IFT74: variants seen among roughly 807,000 people sequenced by gnomAD.
IFT74 encodes the protein intraflagellar transport protein 74 homolog.
In IFT74, 92 loss-of-function variants were observed where a neutral mutation model predicts 96.7. The observed-to-expected ratio is 0.95, with a 90% CI of 0.80 to 1.13. The LOEUF (loss-of-function observed/expected upper bound fraction) is 1.13, where lower values mean the gene tolerates loss of function less well. Among genes scored for constraint, IFT74 ranks in the 50% most tolerant of loss-of-function variants. The pLI is 0.00. For missense variants in IFT74, 811 were observed against 698.2 expected (o/e 1.16, Z -1.82); for synonymous variants, 223 against 213.2 (o/e 1.05, Z -0.40).
intron 13 of IFT74, among the ~76,000 whole-genome samples, chr9:27,034,879 C>G (rs1276764163): frequency 6.6e-6 from 1 of 152,202 alleles, no homozygotes; most frequent in Non-Finnish European, 1.5e-5. Flanking sequence ...TGCCTGGATT[C>G]AAATCCAGGC....
intron 12 of IFT74, among the ~76,000 whole-genome samples, chr9:27,025,801 C>T (rs530736007): frequency 6.6e-6 from 1 of 152,238 alleles, no homozygotes; most frequent in Admixed American, 6.5e-5. Context: ...TTCACCACTA[C>T]CAAGGCAGCA....
chr9:27,060,989 AAAGC>A, intron 19 of IFT74: 1 of 249,054 alleles, frequency 4.0e-6, no homozygotes, highest in Non-Finnish European at 8.0e-6. Context: ...AAAAAAAAAA[AAAGC>A]TGAAAATGAA....
chr9:26,961,510 G>A (rs1250083271), intron 1 of IFT74, among the ~76,000 whole-genome samples: 4 of 152,232 alleles, frequency 2.6e-5, no homozygotes, highest in African/African-American at 4.8e-5. Flanking sequence ...TTGGACTACC[G>A]AAAGTGTTAC....
At chr9:27,035,734 T>C (rs965430908) in intron 13 of IFT74, among the ~76,000 whole-genome samples, 1 of 152,230 alleles carries the variant, frequency 6.6e-6, no homozygotes, top group Non-Finnish European at 1.5e-5. Context: ...GTCCTTTTGT[T>C]TTACATAATT....
chr9:26,997,145 G>A (rs1319176122), intron 8 of IFT74, among the ~76,000 whole-genome samples: 1 of 151,660 alleles, frequency 6.6e-6, no homozygotes, highest in African/African-American at 2.4e-5. Context: ...CTGGGAGGCG[G>A]AGGTTGTGGT....
intron 12 of IFT74, among the ~76,000 whole-genome samples, chr9:27,024,811 TA>T (rs946204778): frequency 6.0e-5 from 9 of 151,090 alleles, no homozygotes; most frequent in Non-Finnish European, 1.2e-4. Flanking sequence ...GTAGCATAAA[TA>T]AAAAAACAGT....
chr9:27,058,708 A>G (rs1359385131), intron 18 of IFT74, among the ~76,000 whole-genome samples: 1 of 152,180 alleles, frequency 6.6e-6, no homozygotes, highest in African/African-American at 2.4e-5. Flanking sequence ...TTTCTATAGC[A>G]TTAGCTATTT....
chr9:26,977,787 C>G (rs1827191267), intron 2 of IFT74, among the ~76,000 whole-genome samples: 2 of 152,228 alleles, frequency 1.3e-5, no homozygotes, highest in Admixed American at 6.5e-5. Context: ...CCACACCCAA[C>G]TTAAACTGCC....
At chr9:26,953,478 T>C (rs1194196125), upstream of IFT74, among the ~76,000 whole-genome samples, 1 of 152,136 alleles carries the variant, frequency 6.6e-6, no homozygotes, top group Admixed American at 6.5e-5. Context: ...AGAAGTGGAG[T>C]TACTGGGTCA....
At chr9:27,041,725 A>G (rs979029128) in intron 13 of IFT74, among the ~76,000 whole-genome samples, 4 of 152,098 alleles carry the variant, frequency 2.6e-5, no homozygotes, top group African/African-American at 7.2e-5. Context: ...GCTAAAAACC[A>G]TTATGTTTTA....
At chr9:27,036,302 T>C (rs567982771) in intron 13 of IFT74, 1 of 1,183,336 alleles carries the variant, frequency 8.5e-7, no homozygotes, top group Non-Finnish European at 1.1e-6. Flanking sequence ...AAGGGTCAAC[T>C]GTATTTCCCA....
At chr9:26,950,631 T>G (rs1401230475) in intron 1 of IFT74, among the ~76,000 whole-genome samples, 1 of 152,232 alleles carries the variant, frequency 6.6e-6, no homozygotes, top group Non-Finnish European at 1.5e-5. Context: ...GTCAGTCATG[T>G]TAGATTTCTC....
At chr9:26,976,090 G>A (rs1563944576) in intron 2 of IFT74, among the ~76,000 whole-genome samples, 1 of 152,184 alleles carries the variant, frequency 6.6e-6, no homozygotes, top group Non-Finnish European at 1.5e-5. Flanking sequence ...GGTCGCCGCG[G>A]TGTTGTAAGC....
intron 2 of IFT74, among the ~76,000 whole-genome samples, chr9:26,963,508 G>C (rs1182210737): frequency 1.3e-5 from 2 of 150,586 alleles, no homozygotes; most frequent in African/African-American, 4.9e-5. Flanking sequence ...GGTATTTCCA[G>C]TTCTAGATCC....
chr9:27,045,246 T>A (rs993220628), intron 14 of IFT74, among the ~76,000 whole-genome samples: 17 of 152,152 alleles, frequency 1.1e-4, no homozygotes, highest in African/African-American at 4.1e-4. Flanking sequence ...TGTACTCTTG[T>A]TATGAGAATC....
intron 8 of IFT74, chr9:26,995,871 GGA>G (rs779861059): frequency 7.2e-6 from 11 of 1,532,740 alleles, no homozygotes; most frequent in Non-Finnish European, 9.7e-6. Context: ...TACCAAGAGA[GGA>G]GAGAGAAAGA....
intron 10 of IFT74, among the ~76,000 whole-genome samples, chr9:27,014,628 G>A (rs2131613428): frequency 6.6e-6 from 1 of 151,886 alleles, no homozygotes; most frequent in East Asian, 1.9e-4. Context: ...AAATTTTTTT[G>A]AGACAGAGTC....
intron 12 of IFT74, among the ~76,000 whole-genome samples, chr9:27,026,842 C>A (rs1259198363): frequency 7.2e-5 from 11 of 152,100 alleles, no homozygotes; most frequent in African/African-American, 2.7e-4. Context: ...GAGGAACATT[C>A]AGAGCATTAA....
intron 8 of IFT74, among the ~76,000 whole-genome samples, chr9:26,991,637 G>A (rs962399848): frequency 4.0e-5 from 6 of 151,078 alleles, no homozygotes; most frequent in African/African-American, 1.5e-4. Flanking sequence ...ACTTGAAAAC[G>A]TTCCTTTTTT....
Sources: allele counts gnomAD v4.1 joint callset (sites outside exome capture counted in the v4.1 genomes callset), GRCh38; gene constraint gnomAD v4.1.1; transcripts MANE v1.5; gene names NCBI Gene and HGNC (gene_info 2026-07-23, HGNC 2026-07-21).